The following SGSM1 variants were observed in gnomAD, a reference collection of about 807,000 sequenced individuals.
SGSM1 encodes the protein small G protein signaling modulator 1, also known as RUN and TBC1 domain containing 2.
A neutral mutation model predicts 133.8 loss-of-function variants in SGSM1; 73 were observed. That is an observed-to-expected ratio of 0.55 (90% CI 0.45 to 0.66). SGSM1 has a LOEUF of 0.66. Among genes scored for constraint, SGSM1 ranks in the 30% least tolerant of loss-of-function variants. SGSM1 has a pLI of 0.00. For missense variants in SGSM1, 1,213 were observed against 1,448.1 expected (o/e 0.84, Z 2.64); for synonymous variants, 563 against 573.0 (o/e 0.98, Z 0.25).
At chr22:24,816,626 C>T (rs1292329170) in intron 2 of SGSM1, among the ~76,000 whole-genome samples, 2 of 151,988 alleles carry the variant, frequency 1.3e-5, no homozygotes, top group African/African-American at 2.4e-5. Flanking sequence ...AGGCTGGTCT[C>T]GAACTCCTGA....
intron 14 of SGSM1, among the ~76,000 whole-genome samples, chr22:24,883,811 C>A (rs893770308): frequency 4.6e-5 from 7 of 152,138 alleles, no homozygotes; most frequent in African/African-American, 1.7e-4. Flanking sequence ...AAAAAATTAG[C>A]CAGACGTGCT....
chr22:24,812,297 T>A (rs559334157), intron 2 of SGSM1, among the ~76,000 whole-genome samples: 343 of 152,246 alleles, frequency 2.3e-3, no homozygotes, highest in African/African-American at 7.8e-3. Context: ...TCCCCTTCAC[T>A]CCTCATAAAA....
At chr22:24,910,542 G>T (rs1276288430) in intron 21 of SGSM1, among the ~76,000 whole-genome samples, 2 of 152,114 alleles carry the variant, frequency 1.3e-5, no homozygotes, top group African/African-American at 4.8e-5. Context: ...AGCTACTCAG[G>T]AGGCTAAGAC....
chr22:24,868,834 C>G lies in SGSM1; in HGVS notation c.1270C>G (p.Pro424Ala). The part of the protein sequence containing the change: ...ATDYVFRIIY[P>A]GMQSEFVPQD... Reference sequence around the variant, plus strand: ...GGATTATGTGTTCAGGATCATCTACCCTGGCATGCAGTCGGAATTCGGTGA... The same window carrying G: ...GGATTATGTGTTCAGGATCATCTACGCTGGCATGCAGTCGGAATTCGGTGA... The change falls in exon 12 of 25, where the codon CCT becomes GCT. Residue 424 changes from proline to alanine, a missense_variant. Transcript: ENST00000400358. 1 of 1,613,866 alleles carries G rather than the reference C, an allele frequency of 6.2e-7. No individual in the cohort carries two copies. The highest frequency in any genetic ancestry group is 8.5e-7 in the Non-Finnish European group (1 of 1,179,854).
chr22:24,862,641 C>T (rs1398145408), intron 9 of SGSM1, among the ~76,000 whole-genome samples: 1 of 152,184 alleles, frequency 6.6e-6, no homozygotes, highest in East Asian at 1.9e-4. Context: ...TCTGTGCCAG[C>T]CACTGTGCTA....
At chr22:24,908,410 G>A (rs1285292423) in intron 21 of SGSM1, among the ~76,000 whole-genome samples, 1 of 152,090 alleles carries the variant, frequency 6.6e-6, no homozygotes, top group Non-Finnish European at 1.5e-5. Context: ...TCAAGAAAGT[G>A]GAAAGAACCC....
intron 3 of SGSM1, 30 bp downstream of exon 3, chr22:24,845,002 T>C: frequency 1.2e-6 from 2 of 1,609,788 alleles, no homozygotes; most frequent in Non-Finnish European, 1.7e-6. Context: ...AAGTGGCTTC[T>C]TTCTCTGTGG....
intron 19 of SGSM1, among the ~76,000 whole-genome samples, chr22:24,899,548 G>A (rs1002234218): frequency 8.9e-5 from 13 of 146,152 alleles, no homozygotes; most frequent in Non-Finnish European, 1.8e-4. Context: ...ATTGAGACAG[G>A]GTCTCGCTCT....
intron 14 of SGSM1, among the ~76,000 whole-genome samples, chr22:24,883,824 C>T (rs1932457583): frequency 2.6e-5 from 4 of 152,138 alleles, no homozygotes; most frequent in South Asian, 2.1e-4. Context: ...GACGTGCTGG[C>T]GCGTGCCTCT....
rs1206660163 is a variant in SGSM1, at chr22:24,927,097, T to A, written c.*2823T>A. On this transcript the variant is annotated 3_prime_UTR_variant, in exon 25 of 25. Coordinates refer to ENST00000400358, the MANE Select transcript of SGSM1 (RefSeq NM_001098497.3). ...AAACAGCCATGTATTTACCTCATAA[T>A]TCTGTGGGTCAGCATCCCAGGCTAG... The A allele has an allele frequency of 6.6e-6, 1 of 152,202 alleles. No homozygotes were observed. The highest frequency in any genetic ancestry group is 1.5e-5 in the Non-Finnish European group (1 of 68,030). The allele number at this position is 152,202 out of a possible 1,614,324, so 9.4% of individuals were successfully genotyped here. A position where few individuals can be genotyped will look rare whatever the true frequency, so the allele number is the denominator to read the frequency against.
chr22:24,835,093 C>T (rs1569139425), intron 2 of SGSM1, among the ~76,000 whole-genome samples: 2 of 152,282 alleles, frequency 1.3e-5, no homozygotes, highest in South Asian at 2.1e-4. Context: ...CCATACTGCC[C>T]TTGGTGGTGA....
intron 2 of SGSM1, among the ~76,000 whole-genome samples, chr22:24,838,277 C>T (rs1377230816): frequency 6.6e-6 from 1 of 152,178 alleles, no homozygotes; most frequent in Non-Finnish European, 1.5e-5. Context: ...ACAAGTATTG[C>T]CAAGGAAGAA....
chr22:24,878,691 T>A (rs530816576), intron 13 of SGSM1, among the ~76,000 whole-genome samples: 2 of 152,300 alleles, frequency 1.3e-5, no homozygotes, highest in East Asian at 3.9e-4. Flanking sequence ...TCCTCTCACC[T>A]CTTTCAGCCG....
At chr22:24,809,872 C>T (rs1282551109) in intron 2 of SGSM1, among the ~76,000 whole-genome samples, 1 of 152,156 alleles carries the variant, frequency 6.6e-6, no homozygotes, top group East Asian at 1.9e-4. Flanking sequence ...GGACAACTGA[C>T]CATGTGCAGG....
rs551199085 is a variant in SGSM1 at position 24,884,289 on chromosome 22, G to T, written c.1641+91G>T. The T allele has an allele frequency of 2.4e-5, 35 of 1,463,314 alleles. 1 individual carries two copies. The highest frequency in any genetic ancestry group is 3.2e-5 in the Non-Finnish European group (35 of 1,089,390). The allele number at this position is 1,463,314 out of a possible 1,614,324, so 90.6% of individuals were successfully genotyped here. Reference sequence around the variant, plus strand: ...AGAAATAAGCCCACATGCTTGTGGGGACTTGAGCTGACGTGCTTGGATTCT... The same window carrying T: ...AGAAATAAGCCCACATGCTTGTGGGTACTTGAGCTGACGTGCTTGGATTCT... On this transcript the variant is annotated intron_variant, in intron 15 of 24. Coordinates refer to ENST00000400358, the MANE Select transcript of SGSM1 (RefSeq NM_001098497.3).
At chr22:24,914,498 A>G (rs1458226653) in intron 22 of SGSM1, among the ~76,000 whole-genome samples, 1 of 151,324 alleles carries the variant, frequency 6.6e-6, no homozygotes, top group Non-Finnish European at 1.5e-5. Flanking sequence ...AAAATTAACC[A>G]TAGATTTTTC....
At chr22:24,911,234 C>G (rs1933605299) in intron 21 of SGSM1, among the ~76,000 whole-genome samples, 1 of 151,022 alleles carries the variant, frequency 6.6e-6, no homozygotes. Flanking sequence ...GAGACCCTGT[C>G]TCAAAAATTA....
At chr22:24,919,110 G>A (rs1027111298) in intron 23 of SGSM1, among the ~76,000 whole-genome samples, 1 of 139,400 alleles carries the variant, frequency 7.2e-6, no homozygotes. Flanking sequence ...GTGCAGTGGT[G>A]CAATCTCGGC....
chr22:24,882,526 C>T (rs567024243), intron 14 of SGSM1, among the ~76,000 whole-genome samples: 12 of 152,250 alleles, frequency 7.9e-5, no homozygotes, highest in African/African-American at 2.4e-4. Context: ...GAGAACGTTA[C>T]GGTTCTTCTA....
Sources: gnomAD v4.1 joint callset for allele counts (sites outside exome capture counted in the v4.1 genomes callset) on GRCh38, gnomAD v4.1.1 for gene constraint, MANE v1.5 for transcripts, NCBI Gene and HGNC (gene_info 2026-07-23, HGNC 2026-07-21) for gene names.